The following CELF2 variants were observed in gnomAD, a reference collection of about 807,000 sequenced individuals.
CELF2 encodes the protein CUGBP Elav-like family member 2.
CELF2 carries 8 observed loss-of-function variants against 62.6 expected under a neutral mutation model. The ratio of observed to expected loss-of-function variants is 0.13; its 90% CI spans 0.07 to 0.23. CELF2 has a LOEUF of 0.23. Among genes scored for constraint, CELF2 ranks in the 10% least tolerant of loss-of-function variants. The pLI, the probability that CELF2 is intolerant of heterozygous loss-of-function variation, is 1.00. For synonymous variants in CELF2, 258 were observed against 250.0 expected (o/e 1.03, Z -0.30); for missense variants, 333 against 671.0 (o/e 0.50, Z 5.56).
In CELF2 at chr10:11,275,027, T is replaced by A. The variant is rs1490000906; in HGVS notation, c.778-30T>A. On this transcript the variant is annotated intron_variant, in intron 7 of 12. Coordinates refer to ENST00000633077, the MANE Select transcript of CELF2 (RefSeq NM_001326342.2). The stretch of plus-strand genomic sequence containing the variant: ...AGGGAGTTACTTTGCTCTCACCGTC[T>A]CCACTTTGCCCTTGTGTGTTCATCC... The A allele has an allele frequency of 1.9e-6, 3 of 1,610,534 alleles. No individual in the cohort carries two copies. The Admixed American group carries it at 5.0e-5, about 27-fold the overall frequency.
At chr10:11,283,550 AGATGGGTGGAT>A (rs2089756898) in intron 8 of CELF2, among the ~76,000 whole-genome samples, 1 of 143,340 alleles carries the variant, frequency 7.0e-6, no homozygotes, top group African/African-American at 2.6e-5. Flanking sequence ...ATGAATGGAT[AGATGGGTGGAT>A]GATGGGTGGG....
At chr10:11,155,981 G>A (rs1365105453) in intron 1 of CELF2, among the ~76,000 whole-genome samples, 2 of 152,144 alleles carry the variant, frequency 1.3e-5, no homozygotes, top group Non-Finnish European at 2.9e-5. Context: ...AATAATGAAT[G>A]GACAGATAAT....
upstream of CELF2, among the ~76,000 whole-genome samples, chr10:11,014,686 G>A (rs1371285919): frequency 6.6e-6 from 1 of 152,100 alleles, no homozygotes; most frequent in African/African-American, 2.4e-5. Flanking sequence ...AACTCTGTAT[G>A]AGATGAGGTT....
At chr10:10,742,126 A>T in the CELF2 span, among the ~76,000 whole-genome samples, 3 of 152,314 alleles carry the variant, frequency 2.0e-5, no homozygotes, top group Non-Finnish European at 2.9e-5. Context: ...GTTCTTGGAA[A>T]CTGCAACTTG....
upstream of CELF2, among the ~76,000 whole-genome samples, chr10:11,015,897 T>C (rs1388057164): frequency 6.6e-6 from 1 of 151,754 alleles, no homozygotes; most frequent in Non-Finnish European, 1.5e-5. The surrounding 1 kb of genome is among the most constrained non-coding windows in gnomAD (Gnocchi z 4.8). Flanking sequence ...GAAGCGTACA[T>C]GTTAATGAAA....
the CELF2 span, among the ~76,000 whole-genome samples, chr10:10,554,775 C>T: frequency 6.6e-6 from 1 of 152,164 alleles, no homozygotes; most frequent in Non-Finnish European, 1.5e-5. Context: ...TTGACCTTGT[C>T]TCATACAGTT....
the CELF2 span, among the ~76,000 whole-genome samples, chr10:10,482,837 C>T: frequency 6.6e-6 from 1 of 152,158 alleles, no homozygotes; most frequent in East Asian, 1.9e-4. Flanking sequence ...CCCTAAATCG[C>T]TCCAGTGCCA....
chr10:11,310,381 C>G (rs1310763146), intron 9 of CELF2, among the ~76,000 whole-genome samples: 1 of 152,152 alleles, frequency 6.6e-6, no homozygotes. Flanking sequence ...GGGAAGGGAG[C>G]AGGTTGTGGG....
Position 11,075,046 on chromosome 10 carries a change from A to G in CELF2, c.74+56883A>G, listed in dbSNP as rs2071421335. The stretch of plus-strand genomic sequence containing the variant: ...CTTTGACTCAGAATGGAATTGAAAG[A>G]TGCTTTCGATTCTCTTGTTTCCTCT... On this transcript the variant is annotated intron_variant, in intron 1 of 12. Transcript: ENST00000633077. The surrounding 1 kb of genome is among the most constrained non-coding windows in gnomAD (Gnocchi z 5.4). The G allele has an allele frequency of 6.6e-6, 1 of 152,192 alleles. No homozygotes were observed. Among genetic ancestry groups the G allele is most frequent in the African/African-American group, 2.4e-5 (1 of 41,452 alleles). 9.4% of individuals were successfully genotyped at this position (152,192 alleles called of 1,614,324 possible).
At position 11,314,564 on chromosome 10, in the gene CELF2, G is replaced by A. The variant is rs1028833704; in HGVS notation, c.1096+306G>A. On this transcript the variant is annotated intron_variant, in intron 10 of 12. Transcript: ENST00000633077. The surrounding 1 kb of genome is among the most constrained non-coding windows in gnomAD (Gnocchi z 5.3). The stretch of plus-strand genomic sequence containing the variant: ...AGGAGTTTGGTTTGGTTTGGTTTCG[G>A]TCGGTTCTGTCCTGCGAGGCAGGGT... 51 of 423,542 alleles carry A rather than the reference G, an allele frequency of 1.2e-4. No homozygotes were observed. The highest frequency in any genetic ancestry group is 9.5e-4 in the South Asian group (47 of 49,562). 26.2% of individuals were successfully genotyped at this position (423,542 alleles called of 1,614,324 possible).
chr10:11,209,176 G>A (rs1269473020), intron 2 of CELF2, among the ~76,000 whole-genome samples: 2 of 152,108 alleles, frequency 1.3e-5, no homozygotes, highest in Non-Finnish European at 2.9e-5. Flanking sequence ...GGGGAGCCAC[G>A]ATAATAAAAT....
chr10:10,479,828 T>C, the CELF2 span, among the ~76,000 whole-genome samples: 10 of 152,254 alleles, frequency 6.6e-5, no homozygotes, highest in Admixed American at 6.5e-4. Flanking sequence ...TGAAATGTCA[T>C]GGTTTCTTAA....
chr10:11,113,089 T>C (rs2055637257), intron 1 of CELF2, among the ~76,000 whole-genome samples: 2 of 152,236 alleles, frequency 1.3e-5, no homozygotes, highest in African/African-American at 4.8e-5. Flanking sequence ...ACTACCAGTA[T>C]TGGGAAAGCC....
chr10:10,661,795 G>T, the CELF2 span, among the ~76,000 whole-genome samples: 1 of 152,146 alleles, frequency 6.6e-6, no homozygotes, highest in African/African-American at 2.4e-5. Context: ...ATATTAGGCA[G>T]GAAGGGAAGC....
chr10:10,864,440 A>C (rs1466491687), intron 1 of CELF2, among the ~76,000 whole-genome samples: 1 of 152,188 alleles, frequency 6.6e-6, no homozygotes, highest in Non-Finnish European at 1.5e-5. Flanking sequence ...TGCCGTAACA[A>C]AATACCACAG....
the CELF2 span, among the ~76,000 whole-genome samples, chr10:10,487,416 A>G: frequency 1.3e-5 from 2 of 152,196 alleles, no homozygotes; most frequent in African/African-American, 4.8e-5. Context: ...TTTGTCTTGC[A>G]TGGATTGGAC....
rs1039690895 is a variant in CELF2 at position 11,306,026 on chromosome 10, C to T, written c.977-8113C>T. On this transcript the variant is annotated intron_variant, in intron 9 of 12. Transcript: ENST00000633077. The surrounding 1 kb of genome is among the most constrained non-coding windows in gnomAD (Gnocchi z 4.4). Reference sequence around the variant, plus strand: ...TGCTCAACCATTCTCTTTCCTGGCACGCCAGCTGGCCTGAACGTCCGTCGC... The same window carrying T: ...TGCTCAACCATTCTCTTTCCTGGCATGCCAGCTGGCCTGAACGTCCGTCGC... Among the ~76,000 whole-genome samples, 23 of 152,340 alleles carry T rather than the reference C, an allele frequency of 1.5e-4. No individual in the cohort carries two copies. Among genetic ancestry groups the T allele is most frequent in the East Asian group, 5.8e-4 (3 of 5,176 alleles).
intron 1 of CELF2, among the ~76,000 whole-genome samples, chr10:10,900,387 G>A (rs781230638): frequency 5.9e-5 from 9 of 152,152 alleles, no homozygotes; most frequent in Non-Finnish European, 1.2e-4. Flanking sequence ...TAGCCATGTG[G>A]GGTCTGGTTG....
At chr10:10,950,632 C>T (rs555133235) in intron 2 of CELF2, among the ~76,000 whole-genome samples, 10 of 152,262 alleles carry the variant, frequency 6.6e-5, no homozygotes, top group African/African-American at 2.2e-4. Context: ...CTGGGGACCA[C>T]GATTCCCCAT....
Sources: gnomAD v4.1 joint callset for allele counts (sites outside exome capture counted in the v4.1 genomes callset) on GRCh38, gnomAD v4.1.1 for gene constraint, Gnocchi (gnomAD v3.1) non-coding constraint, MANE v1.5 for transcripts, NCBI Gene and HGNC (gene_info 2026-07-23, HGNC 2026-07-21) for gene names.